Variants in MACF1 observed in about 807,000 individuals in gnomAD.
MACF1 encodes the protein microtubule actin crosslinking factor 1.
MACF1 carries 193 observed loss-of-function variants against 854.8 expected under a neutral mutation model. That is an observed-to-expected ratio of 0.23 (90% CI 0.20 to 0.25). MACF1 has a LOEUF of 0.25. Ranked by LOEUF, MACF1 falls within the 10% of genes least tolerant of loss-of-function variation. The pLI, the probability that MACF1 is intolerant of heterozygous loss-of-function variation, is 1.00. For missense variants in MACF1, 7,722 were observed against 8,929.1 expected, an observed-to-expected ratio of 0.86 and a Z score of 5.45; for synonymous variants, 3,185 against 3,226.7, an observed-to-expected ratio of 0.99 and a Z score of 0.44.
chr1:39,304,593 T>A (rs1571304074), intron 23 of MACF1: 5 of 711,252 alleles, frequency 7.0e-6, no homozygotes, highest in Non-Finnish European at 1.2e-5. Flanking sequence ...AGACAGAGCC[T>A]TGCTCTGTCG....
In MACF1 at chr1:39,452,312, G is replaced by A; in HGVS notation, c.20575G>A (p.Val6859Ile). The change falls in exon 86 of 101, where the codon GTT becomes ATT. Residue 6859 changes from valine to isoleucine, a missense_variant. This residue lies in a region of MACF1 where 729 missense variants were observed against 900.5 expected (regional missense o/e 0.81). Transcript: ENST00000564288. ...TRWDTVCKLS[V>I]SKQSRLEQAL... is the part of the protein sequence containing the mutation. ...CTGGGACACTGTCTGTAAACTCTCT[G>A]TTTCCAAACAAAGCCGGCTTGAGCA... 6.2e-7 allele frequency: 1 copy of A among 1,614,044 alleles called. No homozygotes were observed. Among genetic ancestry groups the A allele is most frequent in the Non-Finnish European group, 8.5e-7 (1 of 1,179,988 alleles).
intron 2 of MACF1, among the ~76,000 whole-genome samples, chr1:39,093,670 G>A (rs1641867383): frequency 6.6e-6 from 1 of 151,964 alleles, no homozygotes; most frequent in African/African-American, 2.4e-5. Context: ...ATTTTTAGTA[G>A]ACACGGGGTT....
chr1:39,443,584 AT>A lies in MACF1; in HGVS notation c.19431+16del, dbSNP rs1557658024. The A allele has an allele frequency of 6.3e-7, 1 of 1,586,400 alleles. No homozygotes were observed. The highest frequency in any genetic ancestry group is 2.2e-5 in the East Asian group (1 of 44,456). ...GCTTGATACACATATGGTAATAGCA[AT>A]TTTTTGAAATTGAGCATAAGCATCC... On this transcript the variant is annotated intron_variant, in intron 79 of 100. Transcript: ENST00000564288.
chr1:39,291,783 G>A (rs1645795764), intron 15 of MACF1, 127 bp from the exon 16 acceptor site: 2 of 852,704 alleles, frequency 2.3e-6, no homozygotes, highest in Admixed American at 6.2e-5. Context: ...GTAGATTGAA[G>A]GAGATGGCCT....
At position 39,194,317 on chromosome 1, in the gene MACF1, A is replaced by ATTTCT. The variant is rs138791842; in HGVS notation, c.221-36831_221-36827dup. 2.9e-3 allele frequency among the ~76,000 whole-genome samples: 304 copies of ATTTCT among 105,458 alleles called. 4 individuals carry two copies. Among genetic ancestry groups the ATTTCT allele is most frequent in the Middle Eastern group, 5.8e-3 (1 of 172 alleles). 69.2% of individuals were successfully genotyped at this position (105,458 alleles called of 152,430 possible). A position where few individuals can be genotyped will look rare whatever the true frequency, so the allele number is the denominator to read the frequency against. ...ATCCGGAGGGATTTCCAGAAGTGGA[A>ATTTCT]TTTCTTTTCTTTTCTTTTCTTTTCT... On this transcript the variant is annotated intron_variant, in intron 2 of 93. Transcript: ENST00000361689.
rs892011916 is a variant in MACF1 at position 39,485,588 on chromosome 1, G to A, written c.22462G>A (p.Gly7488Arg). 6 of 1,614,020 alleles carry A rather than the reference G, an allele frequency of 3.7e-6. No homozygotes were observed. Among genetic ancestry groups the A allele is most frequent in the Non-Finnish European group, 5.1e-6 (6 of 1,179,968 alleles). ...TGGGAGTCGGGCTGGGAGTCGAGCC[G>A]GGAGTCGAGCCAGCAGCCGGCGAGG... ...RPGSRAGSRA[G>R]SRASSRRGSD... The change falls in exon 101 of 101, where the codon GGG becomes AGG. Residue 7488 changes from glycine (G) to arginine (R), a missense_variant. Physicochemically the swap from Gly to Arg is moderately radical, Grantham distance 125. Around this residue, in one of 15 missense-constraint regions of MACF1, gnomAD observed 185 missense variants for 225.7 expected, o/e 0.82. Transcript: ENST00000564288.
At chr1:39,379,578 A>G (rs1023299629) in intron 54 of MACF1, 134 bp downstream of exon 54, 12 of 917,536 alleles carry the variant, frequency 1.3e-5, no homozygotes, top group Admixed American at 5.5e-5. Context: ...TATGTTTGAC[A>G]TTCTAAATGA....
intron 58 of MACF1, among the ~76,000 whole-genome samples, chr1:39,400,493 T>C (rs550090123): frequency 4.4e-4 from 67 of 151,568 alleles, no homozygotes; most frequent in African/African-American, 1.4e-3. Context: ...TTTTTTTTTT[T>C]CATTTTTTGT....
intron 1 of MACF1, among the ~76,000 whole-genome samples, chr1:39,212,687 A>G (rs963985534): frequency 3.3e-5 from 5 of 152,156 alleles, no homozygotes; most frequent in Admixed American, 6.5e-5. Flanking sequence ...CAGTGGCGCA[A>G]TCTCGGCTCA....
At chr1:39,117,845 C>T (rs1642586818) in intron 2 of MACF1, among the ~76,000 whole-genome samples, 1 of 152,214 alleles carries the variant, frequency 6.6e-6, no homozygotes, top group Admixed American at 6.5e-5. Flanking sequence ...TATTGCTCCT[C>T]ATTTAGCTAT....
chr1:39,447,405 T>C (rs1217794081), intron 80 of MACF1, 27 bp from the exon 81 acceptor site: 2 of 1,610,482 alleles, frequency 1.2e-6, no homozygotes, highest in Admixed American at 3.3e-5. Context: ...TTTCTTTCTG[T>C]GTGTGTGTGT....
In MACF1 at chr1:39,385,627, C is replaced by A. The variant is rs1238868000; in HGVS notation, c.14042C>A (p.Ala4681Asp). Residue 4681 changes from alanine to aspartate, a missense_variant, in exon 57 of 101, where the codon GCT becomes GAT. This residue lies in a region of MACF1 where 2,807 missense variants were observed against 3,235.8 expected (regional missense o/e 0.87). Transcript: ENST00000564288. ...TCCCGTTCCAGCCAAATTGACCAAG[C>A]TATTGTTAAGAGCACCCAGTACCAG... ...LNSRSSQIDQ[A>D]IVKSTQYQEL... is the part of the protein sequence containing the mutation. The A allele has an allele frequency of 6.2e-7, 1 of 1,613,982 alleles. No individual in the cohort carries two copies. The highest frequency in any genetic ancestry group is 2.2e-5 in the East Asian group (1 of 44,886).
At chr1:39,281,944 C>A (rs2148380323) in intron 6 of MACF1, among the ~76,000 whole-genome samples, 1 of 152,160 alleles carries the variant, frequency 6.6e-6, no homozygotes, top group African/African-American at 2.4e-5. Flanking sequence ...TATGATGATA[C>A]CCAGTTGTAG....
intron 2 of MACF1, among the ~76,000 whole-genome samples, chr1:39,092,725 A>G (rs1392881369): frequency 6.6e-6 from 1 of 152,034 alleles, no homozygotes; most frequent in Non-Finnish European, 1.5e-5. Flanking sequence ...GGCCAATTTT[A>G]TTTCATTCAT....
At chr1:39,121,640 G>C (rs1228929016) in intron 2 of MACF1, among the ~76,000 whole-genome samples, 3 of 152,126 alleles carry the variant, frequency 2.0e-5, no homozygotes, top group Admixed American at 6.5e-5. Context: ...TAGAGACGGG[G>C]TTTCGCCATT....
At chr1:39,350,704 A>C in intron 42 of MACF1, 81 bp from the exon 43 acceptor site, 1 of 988,262 alleles carries the variant, frequency 1.0e-6, no homozygotes, top group East Asian at 2.4e-5. Context: ...ATGTCATCCT[A>C]GCCATTCCAT....
At chr1:39,281,340 G>T (rs746755944) in intron 6 of MACF1, among the ~76,000 whole-genome samples, 4 of 151,980 alleles carry the variant, frequency 2.6e-5, no homozygotes, top group Non-Finnish European at 5.9e-5. Flanking sequence ...GCGTGTGTAT[G>T]CCTTGTACAT....
At chr1:39,116,388 G>A (rs1481123313) in intron 2 of MACF1, among the ~76,000 whole-genome samples, 1 of 150,514 alleles carries the variant, frequency 6.6e-6, no homozygotes, top group South Asian at 2.1e-4. Flanking sequence ...GAGTGTGTAT[G>A]TGTGTGTGTG....
chr1:39,174,264 T>C (rs542175266), intron 2 of MACF1, among the ~76,000 whole-genome samples: 28 of 152,324 alleles, frequency 1.8e-4, no homozygotes, highest in African/African-American at 6.5e-4. Flanking sequence ...GCTAGAGTTT[T>C]GCAACTATAA....
Sources: allele counts gnomAD v4.1 joint callset (sites outside exome capture counted in the v4.1 genomes callset), GRCh38; gene constraint gnomAD v4.1.1; regional missense constraint gnomAD v4.1.1; transcripts MANE v1.5; gene names NCBI Gene and HGNC (gene_info 2026-07-23, HGNC 2026-07-21).